CALB1: variants seen among roughly 807,000 people sequenced by gnomAD.
The protein encoded by CALB1 is calbindin.
In CALB1, 16 loss-of-function variants were observed where a neutral mutation model predicts 46.7. That is an observed-to-expected ratio of 0.34 (90% CI 0.23 to 0.52). CALB1 has a LOEUF of 0.52. Among genes scored for constraint, CALB1 ranks in the 20% least tolerant of loss-of-function variants. The probability of loss-of-function intolerance (pLI) is 0.95; values close to 1 mark genes in which losing one functional copy is unlikely to be tolerated. For missense variants in CALB1, 224 were observed against 300.3 expected (o/e 0.75, Z 1.88); for synonymous variants, 90 against 112.8 (o/e 0.80, Z 1.28).
chr8:90,061,309 G>A (rs755554649), intron 9 of CALB1: 4 of 152,106 alleles, frequency 2.6e-5, no homozygotes, highest in Admixed American at 2.0e-4. Flanking sequence ...TGGGCATACC[G>A]TATTACCTTT....
At chr8:90,066,671 T>G (rs947338436) in intron 5 of CALB1, among the ~76,000 whole-genome samples, 1 of 152,066 alleles carries the variant, frequency 6.6e-6, no homozygotes, top group Non-Finnish European at 1.5e-5. Flanking sequence ...AAAAAGATGA[T>G]TATTAACTTG....
At chr8:90,065,820 G>T in intron 6 of CALB1, 78 bp downstream of exon 6, 1 of 878,140 alleles carries the variant, frequency 1.1e-6, no homozygotes, top group Non-Finnish European at 1.9e-6. Flanking sequence ...ATTTCATCCT[G>T]TGTAGCCTTG....
chr8:90,082,098 A>G lies in CALB1; in HGVS notation c.84T>C (p.Ser28=). 1 of 1,613,502 alleles carries G rather than the reference A, an allele frequency of 6.2e-7. No homozygotes were observed. The change falls in exon 2 of 11, where the codon AGT becomes AGC. Residue 28 remains serine (S), a synonymous_variant. Transcript: ENST00000265431. ...GCAGCTCCTTTCCTTCCAGGTAACC[A>G]CTTCCTGCAAAGACAAAGAGGCACC... is the stretch of plus-strand genomic sequence containing the variant. ...EIWLHFDADG[S]GYLEGKELQN...
intron 1 of CALB1, 56 bp from the exon 2 acceptor site, chr8:90,082,158 C>A: frequency 6.9e-7 from 1 of 1,447,970 alleles, no homozygotes; most frequent in Non-Finnish European, 9.7e-7. Flanking sequence ...GTGTCTTTCC[C>A]GTTCACTTTC....
At chr8:90,063,738 C>T (rs1814342842) in intron 6 of CALB1, 1 of 340,318 alleles carries the variant, frequency 2.9e-6, no homozygotes, top group African/African-American at 2.2e-5. Context: ...CAAATACGTT[C>T]ATATGTGTAT....
At chr8:90,065,664 C>A (rs945061788) in intron 6 of CALB1, among the ~76,000 whole-genome samples, 8 of 151,774 alleles carry the variant, frequency 5.3e-5, no homozygotes, top group Non-Finnish European at 1.0e-4. Context: ...TTACACAGCT[C>A]TACAAGGAAG....
At chr8:90,061,475 G>T (rs1369011047) in intron 9 of CALB1, 2 of 152,060 alleles carry the variant, frequency 1.3e-5, no homozygotes, top group Non-Finnish European at 2.9e-5. Context: ...TTTATAGAGA[G>T]AAAACCCTAA....
chr8:90,060,350 G>A, intron 10 of CALB1, 64 bp from the exon 11 acceptor site: 2 of 957,264 alleles, frequency 2.1e-6, no homozygotes, highest in Non-Finnish European at 3.4e-6. Context: ...CCACTGTCAA[G>A]TGATAAAATG....
intron 5 of CALB1, 67 bp from the exon 6 acceptor site, chr8:90,066,042 G>A: frequency 9.4e-7 from 1 of 1,062,088 alleles, no homozygotes; most frequent in Non-Finnish European, 1.4e-6. Flanking sequence ...ATTTCAGAAT[G>A]CCTTGGAACA....
intron 3 of CALB1, among the ~76,000 whole-genome samples, chr8:90,074,155 T>C (rs768941775): frequency 5.9e-5 from 9 of 152,102 alleles, no homozygotes; most frequent in Non-Finnish European, 1.2e-4. Flanking sequence ...ACAAATTATA[T>C]AATAAGTGGG....
intron 6 of CALB1, 123 bp downstream of exon 6, chr8:90,065,775 C>G: frequency 1.5e-6 from 1 of 651,730 alleles, no homozygotes; most frequent in South Asian, 1.8e-5. Flanking sequence ...GAAATGATAC[C>G]TATGTGCATA....
chr8:90,080,175 G>C (rs970105653), intron 2 of CALB1, among the ~76,000 whole-genome samples: 5 of 151,940 alleles, frequency 3.3e-5, no homozygotes, highest in Admixed American at 2.0e-4. Flanking sequence ...CTATAACTAT[G>C]CTTGTTTAGT....
chr8:90,065,079 T>TCA (rs1231204911), intron 6 of CALB1, among the ~76,000 whole-genome samples: 1 of 151,842 alleles, frequency 6.6e-6, no homozygotes, highest in Non-Finnish European at 1.5e-5. Flanking sequence ...GAGTAAGAAT[T>TCA]CACAGTACCT....
At chr8:90,074,396 T>C (rs1398607403) in intron 3 of CALB1, among the ~76,000 whole-genome samples, 1 of 152,164 alleles carries the variant, frequency 6.6e-6, no homozygotes, top group Non-Finnish European at 1.5e-5. Flanking sequence ...AATGGCCTGC[T>C]CTCACATAGA....
intron 2 of CALB1, among the ~76,000 whole-genome samples, 187 bp downstream of exon 2, chr8:90,081,839 A>G (rs1484228555): frequency 7.4e-6 from 1 of 135,222 alleles, no homozygotes; most frequent in African/African-American, 2.8e-5. Context: ...TCTCTTTCTC[A>G]GTCTCTTTCC....
At chr8:90,081,995 CT>C in intron 2 of CALB1, 30 bp downstream of exon 2, 6 of 1,582,890 alleles carry the variant, frequency 3.8e-6, no homozygotes, top group Non-Finnish European at 4.3e-6. Context: ...GGTTAAAAGT[CT>C]TTTTTTCTTT....
At chr8:90,065,293 A>T (rs1267061648) in intron 6 of CALB1, among the ~76,000 whole-genome samples, 1 of 151,662 alleles carries the variant, frequency 6.6e-6, no homozygotes. Flanking sequence ...CTCTATTATC[A>T]ACATTCTATA....
chr8:90,081,291 T>A (rs1586186402), intron 2 of CALB1: 1 of 163,506 alleles, frequency 6.1e-6, no homozygotes, highest in African/African-American at 2.4e-5. Flanking sequence ...TTACAATACA[T>A]GAAATTCTTA....
intron 9 of CALB1, 34 bp from the exon 10 acceptor site, chr8:90,060,734 A>G: frequency 2.8e-6 from 4 of 1,438,882 alleles, no homozygotes; most frequent in Non-Finnish European, 3.9e-6. Context: ...TATACAACCA[A>G]CTCCATCTAC....
Sources: gnomAD v4.1 joint callset for allele counts (sites outside exome capture counted in the v4.1 genomes callset) on GRCh38, gnomAD v4.1.1 for gene constraint, MANE v1.5 for transcripts, NCBI Gene and HGNC (gene_info 2026-07-23, HGNC 2026-07-21) for gene names.